The following ADARB1 variants were observed in gnomAD, a reference collection of about 807,000 sequenced individuals.
The protein encoded by ADARB1 is adenosine deaminase RNA specific B1, also known as double-stranded RNA-specific editase 1.
In ADARB1, 10 loss-of-function variants were observed where a neutral mutation model predicts 52.4. The ratio of observed to expected loss-of-function variants is 0.19; its 90% CI spans 0.12 to 0.32. The LOEUF is 0.32. ADARB1 is among the 10% of genes least tolerant of loss of function. The pLI is 1.00. For synonymous variants in ADARB1, 349 were observed against 371.1 expected, an observed-to-expected ratio of 0.94 and a Z score of 0.68; for missense variants, 643 against 922.3, an observed-to-expected ratio of 0.70 and a Z score of 3.92.
intron 1 of ADARB1, among the ~76,000 whole-genome samples, chr21:45,089,386 C>T (rs769793364): frequency 7.2e-5 from 11 of 152,078 alleles, no homozygotes; most frequent in Non-Finnish European, 1.5e-4. Context: ...CAGGACCAGC[C>T]CCTGTCTCTG....
intron 2 of ADARB1, among the ~76,000 whole-genome samples, chr21:45,131,128 A>G (rs1229039026): frequency 6.6e-6 from 1 of 152,250 alleles, no homozygotes; most frequent in Non-Finnish European, 1.5e-5. Context: ...GAAATGTAAT[A>G]TAAAGAGAAA....
intron 2 of ADARB1, among the ~76,000 whole-genome samples, chr21:45,153,483 C>T (rs2090405800): frequency 6.6e-6 from 1 of 152,156 alleles, no homozygotes; most frequent in African/African-American, 2.4e-5. Flanking sequence ...CTTAGTGTCC[C>T]CCACCCGACA....
chr21:45,160,535 A>G (rs1045961036), intron 2 of ADARB1, among the ~76,000 whole-genome samples: 2 of 152,220 alleles, frequency 1.3e-5, no homozygotes, highest in Non-Finnish European at 1.5e-5. Context: ...TTTTTAAAAT[A>G]CTTCCAGTTG....
intron 2 of ADARB1, among the ~76,000 whole-genome samples, chr21:45,161,375 G>A (rs762064075): frequency 1.3e-5 from 2 of 152,178 alleles, no homozygotes; most frequent in Non-Finnish European, 2.9e-5. Flanking sequence ...CCCACTGCTT[G>A]GTCTGTCCCC....
intron 1 of ADARB1, among the ~76,000 whole-genome samples, chr21:45,124,334 ATCCC>A (rs2088417414): frequency 6.6e-6 from 1 of 152,022 alleles, no homozygotes; most frequent in Admixed American, 6.6e-5. Flanking sequence ...ACTATAATCC[ATCCC>A]TCCCTCCCTG....
At position 45,171,525 on chromosome 21, in the gene ADARB1, G is replaced by A. The variant is rs1392235147; in HGVS notation, c.-47-85G>A. ...TTTTTTTCCTTTAATTTGTAATAAT[G>A]TTGTAATTATTTCCTTAGAGTAGAC... On this transcript the variant is annotated intron_variant, in intron 2 of 10. Transcript: ENST00000348831. 7 of 850,632 alleles carry A rather than the reference G, an allele frequency of 8.2e-6. No homozygotes were observed. The Admixed American group carries it at 1.7e-4, about 21-fold the overall frequency. The allele number at this position is 850,632 out of a possible 1,614,324, so 52.7% of individuals were successfully genotyped here.
Position 45,128,103 on chromosome 21 carries a change from A to T in ADARB1, c.-219-299A>T, listed in dbSNP as rs1176257570. On this transcript the variant is annotated intron_variant, in intron 1 of 10. Coordinates refer to ENST00000348831, the MANE Select transcript of ADARB1 (RefSeq NM_001112.4). The surrounding 1 kb of genome is among the most constrained non-coding windows in gnomAD (Gnocchi z 4.6). ...GAGTACGTGTGAGATTCTGCCTGAG[A>T]CTCCAGTCCTCAGTGTGTGGCCTGG... is the stretch of plus-strand genomic sequence containing the variant. Among the ~76,000 whole-genome samples, 1 of 151,870 alleles carries T rather than the reference A, an allele frequency of 6.6e-6. No homozygotes were observed. The highest frequency in any genetic ancestry group is 6.6e-5 in the Admixed American group (1 of 15,244).
At chr21:45,136,171 T>C (rs762369848) in intron 2 of ADARB1, among the ~76,000 whole-genome samples, 1 of 152,098 alleles carries the variant, frequency 6.6e-6, no homozygotes, top group African/African-American at 2.4e-5. Flanking sequence ...CTGTGAGGAC[T>C]CGCTCTCTTA....
intron 2 of ADARB1, among the ~76,000 whole-genome samples, chr21:45,149,535 G>GA (rs910987470): frequency 2.0e-5 from 3 of 152,260 alleles, no homozygotes; most frequent in Admixed American, 1.3e-4. Context: ...CTTCAAAATG[G>GA]AAAAAATATG....
intron 2 of ADARB1, among the ~76,000 whole-genome samples, chr21:45,156,525 TCACC>T (rs1356466825): frequency 0.084 from 3,218 of 38,124 alleles, 141 homozygotes; most frequent in Admixed American, 0.18. Context: ...CCACCCATCA[TCACC>T]CATCACCCAT....
In ADARB1 at chr21:45,108,310, A is replaced by G. The variant is rs190966750; in HGVS notation, c.-219-20092A>G. Reference sequence around the variant, plus strand: ...TTTCTTACAGATGTGCAAATAATCAAAAGTCTCACTTGATAGCTATTTCTA... The same window carrying G: ...TTTCTTACAGATGTGCAAATAATCAGAAGTCTCACTTGATAGCTATTTCTA... On this transcript the variant is annotated intron_variant, in intron 1 of 10. Coordinates refer to ENST00000348831, the MANE Select transcript of ADARB1 (RefSeq NM_001112.4). Among the ~76,000 whole-genome samples, 106 of 152,334 alleles carry G rather than the reference A, an allele frequency of 7.0e-4. 1 individual carries two copies. Among genetic ancestry groups the G allele is most frequent in the Middle Eastern group, 3.4e-3 (1 of 294 alleles).
chr21:45,074,953 G>A lies in ADARB1; in HGVS notation c.-220+160G>A, dbSNP rs371310084. Among the ~76,000 whole-genome samples the A allele has an allele frequency of 4.5e-3, 677 of 150,830 alleles. 17 individuals carry two copies. The highest frequency in any genetic ancestry group is 0.028 in the East Asian group (140 of 5,056). On this transcript the variant is annotated intron_variant, in intron 1 of 10. Transcript: ENST00000348831. ...CCCGCGGAGAAGCGAGGGTGCCGCG[G>A]CACCGCCTCGCACCCACCCTCCTGG...
intron 1 of ADARB1, among the ~76,000 whole-genome samples, chr21:45,115,396 C>G (rs772465656): frequency 7.9e-5 from 12 of 152,194 alleles, no homozygotes; most frequent in Non-Finnish European, 1.8e-4. Flanking sequence ...AGCAGTGCAC[C>G]TGCTTCCTCA....
At chr21:45,088,694 A>G (rs940053399) in intron 1 of ADARB1, among the ~76,000 whole-genome samples, 1 of 152,216 alleles carries the variant, frequency 6.6e-6, no homozygotes, top group African/African-American at 2.4e-5. Context: ...GTCTCGAAGT[A>G]TCTCTTCCTC....
intron 1 of ADARB1, among the ~76,000 whole-genome samples, chr21:45,115,430 A>T (rs1263032847): frequency 6.6e-6 from 1 of 152,230 alleles, no homozygotes; most frequent in African/African-American, 2.4e-5. Context: ...GGTCAGGGCG[A>T]TGTCTCTGGA....
At position 45,204,518 on chromosome 21, in the gene ADARB1, C is replaced by T. The variant is rs571259680; in HGVS notation, c.1566-37C>T. 1.9e-5 allele frequency: 31 copies of T among 1,599,234 alleles called. No homozygotes were observed. In the East Asian group the frequency reaches 2.7e-4, roughly 14 times the overall value. On this transcript the variant is annotated intron_variant, in intron 8 of 10. Transcript: ENST00000348831. The surrounding 1 kb of genome is among the most constrained non-coding windows in gnomAD (Gnocchi z 4.4). ...GGCTGGGCTGCGTCGACACTGAGTC[C>T]GAGCTCCCTGAAGACTGTGCTTTCT...
At chr21:45,152,357 G>A (rs905846534) in intron 2 of ADARB1, among the ~76,000 whole-genome samples, 7 of 144,954 alleles carry the variant, frequency 4.8e-5, no homozygotes, top group Admixed American at 2.2e-4. Flanking sequence ...TGCGCTGAAC[G>A]GTTAGCTGTC....
At chr21:45,205,585 G>A (rs1320508074) in intron 9 of ADARB1, among the ~76,000 whole-genome samples, 3 of 152,210 alleles carry the variant, frequency 2.0e-5, no homozygotes, top group Admixed American at 6.5e-5. Context: ...CCAATGGCAG[G>A]CAGAGGCTGT....
intron 8 of ADARB1, among the ~76,000 whole-genome samples, chr21:45,201,559 A>G (rs2092553992): frequency 6.6e-6 from 1 of 152,156 alleles, no homozygotes; most frequent in African/African-American, 2.4e-5. Flanking sequence ...GGAAACCTTC[A>G]TTTTCATTTC....
Sources: gnomAD v4.1 joint callset for allele counts (sites outside exome capture counted in the v4.1 genomes callset) on GRCh38, gnomAD v4.1.1 for gene constraint, Gnocchi (gnomAD v3.1) non-coding constraint, MANE v1.5 for transcripts, NCBI Gene and HGNC (gene_info 2026-07-23, HGNC 2026-07-21) for gene names.